Variants in ABL1 observed in about 807,000 individuals in gnomAD.
The protein encoded by ABL1 is ABL proto-oncogene 1, non-receptor tyrosine kinase, also known as tyrosine-protein kinase ABL1.
Under a neutral mutation model 94.7 loss-of-function variants are expected in ABL1, and 11 were observed. The ratio of observed to expected loss-of-function variants is 0.12; its 90% CI spans 0.07 to 0.19. The LOEUF is 0.19. Ranked by LOEUF, ABL1 falls within the 10% of genes least tolerant of loss-of-function variation. The pLI is 1.00. For missense variants in ABL1, 1,082 were observed against 1,489.4 expected, an observed-to-expected ratio of 0.73 and a Z score of 4.50; for synonymous variants, 656 against 622.4, an observed-to-expected ratio of 1.05 and a Z score of -0.80.
chr9:130,822,439 C>CTTTT lies in ABL1; in HGVS notation c.137-31604_137-31601dup, dbSNP rs35922505. On this transcript the variant is annotated intron_variant, in intron 1 of 10. Coordinates refer to the ABL1 transcript ENST00000372348. Reference sequence around the variant, plus strand: ...GTCTGCCTACCTATCCCCGCCCCTGCTTTTTTTTTTTTTTTTTTTTTTTTA... The same window carrying CTTTT: ...GTCTGCCTACCTATCCCCGCCCCTGCTTTTTTTTTTTTTTTTTTTTTTTTTTTTA... Among the ~76,000 whole-genome samples, 36 of 104,378 alleles carry CTTTT rather than the reference C, an allele frequency of 3.4e-4. 2 individuals carry two copies. The highest frequency in any genetic ancestry group is 1.1e-3 in the African/African-American group (29 of 26,016). 68.5% of individuals were successfully genotyped at this position (104,378 alleles called of 152,430 possible).
chr9:130,808,600 T>C (rs1045639758), intron 1 of ABL1, among the ~76,000 whole-genome samples: 1 of 152,154 alleles, frequency 6.6e-6, no homozygotes, highest in Non-Finnish European at 1.5e-5. Context: ...GGTGGGTAGA[T>C]AGATAGGGCC....
chr9:130,797,631 T>C (rs999732186), intron 1 of ABL1, among the ~76,000 whole-genome samples: 1 of 152,174 alleles, frequency 6.6e-6, no homozygotes, highest in Non-Finnish European at 1.5e-5. Context: ...CTCCTCAGCC[T>C]CCCAAAGTGC....
chr9:130,790,346 T>C (rs1829889820), intron 1 of ABL1, among the ~76,000 whole-genome samples: 2 of 152,216 alleles, frequency 1.3e-5, no homozygotes, highest in Non-Finnish European at 2.9e-5. Context: ...CATGCACACA[T>C]GTGTACATAC....
At chr9:130,818,634 C>G (rs1232634415) in intron 1 of ABL1, among the ~76,000 whole-genome samples, 1 of 152,016 alleles carries the variant, frequency 6.6e-6, no homozygotes, top group African/African-American at 2.4e-5. Flanking sequence ...GCTTATAATT[C>G]ATTTCACATT....
At chr9:130,791,227 G>C (rs1427714958) in intron 1 of ABL1, among the ~76,000 whole-genome samples, 2 of 152,030 alleles carry the variant, frequency 1.3e-5, no homozygotes, top group East Asian at 3.8e-4. Flanking sequence ...TATACCAAGA[G>C]TGGAACTACT....
At chr9:130,826,347 T>G (rs979939852) in intron 1 of ABL1, among the ~76,000 whole-genome samples, 1 of 151,896 alleles carries the variant, frequency 6.6e-6, no homozygotes, top group African/African-American at 2.4e-5. Context: ...TCTCAAACTC[T>G]TGAGCTCAAA....
chr9:130,845,019 C>G (rs530172846), intron 1 of ABL1, among the ~76,000 whole-genome samples: 1 of 152,318 alleles, frequency 6.6e-6, no homozygotes, highest in East Asian at 1.9e-4. Flanking sequence ...AAGTCCTGCA[C>G]TAAGGAATTG....
At position 130,880,812 on chromosome 9, in the gene ABL1, AG is replaced by A; in HGVS notation, c.1678+150del. The A allele has an allele frequency of 1.9e-6, 2 of 1,038,280 alleles. No individual in the cohort carries two copies. Among genetic ancestry groups the A allele is most frequent in the Non-Finnish European group, 2.7e-6 (2 of 735,358 alleles). 64.3% of individuals were successfully genotyped at this position (1,038,280 alleles called of 1,614,324 possible). On this transcript the variant is annotated intron_variant, in intron 10 of 10. Coordinates refer to ENST00000318560, the MANE Select transcript of ABL1 (RefSeq NM_005157.6). This position sits in a 1 kb window ranked among gnomAD's most constrained non-coding sequence, Gnocchi z 4.4. ...TTGTCAATGGTTCAGCTTCGGAAGG[AG>A]GAAGGTTCTCCTCTCCCCACCTGCC...
At chr9:130,731,466 T>C (rs1831666208) in intron 1 of ABL1, among the ~76,000 whole-genome samples, 1 of 152,204 alleles carries the variant, frequency 6.6e-6, no homozygotes, top group African/African-American at 2.4e-5. Flanking sequence ...CTCATGTTTA[T>C]AGTTGGCCTG....
intron 1 of ABL1, among the ~76,000 whole-genome samples, chr9:130,852,032 G>T (rs1470959798): frequency 6.6e-6 from 1 of 151,940 alleles, no homozygotes; most frequent in African/African-American, 2.4e-5. Context: ...GCCCACCTCA[G>T]CCTCCCAAAA....
chr9:130,766,723 C>G (rs1832188482), intron 1 of ABL1, among the ~76,000 whole-genome samples: 1 of 152,084 alleles, frequency 6.6e-6, no homozygotes, highest in Admixed American at 6.5e-5. Flanking sequence ...TAGAATAAAC[C>G]TCACACCACC....
chr9:130,876,999 A>C (rs1273912802), intron 7 of ABL1, among the ~76,000 whole-genome samples: 2 of 147,958 alleles, frequency 1.4e-5, no homozygotes, highest in African/African-American at 2.6e-5. Context: ...GGCCTCCCAA[A>C]GTGCACAAGT....
At chr9:130,795,456 G>T (rs1165465547) in intron 1 of ABL1, among the ~76,000 whole-genome samples, 5 of 152,122 alleles carry the variant, frequency 3.3e-5, no homozygotes, top group Non-Finnish European at 7.3e-5. Context: ...AGAAACTTCT[G>T]CTTGAAGTCA....
chr9:130,786,463 T>C (rs1043877923), intron 1 of ABL1, among the ~76,000 whole-genome samples: 18 of 152,366 alleles, frequency 1.2e-4, no homozygotes, highest in African/African-American at 3.4e-4. Context: ...AACGCTCTCT[T>C]AGCAGTATCT....
intron 1 of ABL1, among the ~76,000 whole-genome samples, chr9:130,728,352 G>A (rs1831616884): frequency 6.8e-6 from 1 of 147,734 alleles, no homozygotes; most frequent in African/African-American, 2.5e-5. Context: ...ACAGGTGTGA[G>A]CCACTGTACC....
chr9:130,840,641 G>T (rs1231488445), intron 1 of ABL1, among the ~76,000 whole-genome samples: 2 of 152,034 alleles, frequency 1.3e-5, no homozygotes, highest in Non-Finnish European at 2.9e-5. Context: ...TAAATTCATA[G>T]GTTTGTTTGT....
intron 1 of ABL1, among the ~76,000 whole-genome samples, chr9:130,716,164 G>C (rs1443714475): frequency 1.4e-5 from 2 of 141,854 alleles, no homozygotes; most frequent in African/African-American, 5.1e-5. Context: ...TGGCGATCTC[G>C]GCTCACTGTA....
At chr9:130,832,514 G>A (rs1226106853), upstream of ABL1, among the ~76,000 whole-genome samples, 1 of 152,038 alleles carries the variant, frequency 6.6e-6, no homozygotes, top group African/African-American at 2.4e-5. Flanking sequence ...CCTACCTCCT[G>A]GCTGTGTGAA....
At chr9:130,785,387 G>A (rs910411266) in intron 1 of ABL1, among the ~76,000 whole-genome samples, 3 of 152,120 alleles carry the variant, frequency 2.0e-5, no homozygotes, top group Non-Finnish European at 4.4e-5. Flanking sequence ...TCTGGATCAC[G>A]CCCTCTGACA....
Sources: allele counts gnomAD v4.1 joint callset (sites outside exome capture counted in the v4.1 genomes callset), GRCh38; gene constraint gnomAD v4.1.1; non-coding constraint Gnocchi (gnomAD v3.1); transcripts MANE v1.5; gene names NCBI Gene and HGNC (gene_info 2026-07-23, HGNC 2026-07-21).